ITFG1: variants seen among roughly 807,000 people sequenced by gnomAD.
The protein encoded by ITFG1 is integrin alpha FG-GAP repeat containing 1.
Under a neutral mutation model 81.8 loss-of-function variants are expected in ITFG1, and 34 were observed. The ratio of observed to expected loss-of-function variants is 0.42; its 90% CI spans 0.32 to 0.55. The LOEUF (loss-of-function observed/expected upper bound fraction) is 0.55. Ranked by LOEUF, ITFG1 falls within the 20% of genes least tolerant of loss-of-function variation. The pLI is 0.17. For missense variants in ITFG1, 672 were observed against 755.4 expected (o/e 0.89, Z 1.29); for synonymous variants, 285 against 270.6 (o/e 1.05, Z -0.52).
intron 10 of ITFG1, among the ~76,000 whole-genome samples, chr16:47,275,182 T>G (rs897270614): frequency 3.3e-5 from 5 of 152,160 alleles, no homozygotes; most frequent in Non-Finnish European, 5.9e-5. Flanking sequence ...TGTATGAATC[T>G]GTTATTCTAC....
chr16:47,225,562 A>T (rs1965747102), intron 13 of ITFG1, among the ~76,000 whole-genome samples: 1 of 152,248 alleles, frequency 6.6e-6, no homozygotes, highest in Non-Finnish European at 1.5e-5. Flanking sequence ...CAAGCAATTC[A>T]TCACGGACAA....
Position 47,354,975 on chromosome 16 carries a change from G to T in ITFG1, c.802+10813C>A, listed in dbSNP as rs559280818. On this transcript the variant is annotated intron_variant, in intron 8 of 17. Transcript: ENST00000320640. ...ATTAGTACAGCCATTATGTAAAACA[G>T]TATGGAGTTTCCTAAAAAAATATTA... 3.9e-5 allele frequency among the ~76,000 whole-genome samples: 6 copies of T among 152,252 alleles called. No homozygotes were observed. In the South Asian group the frequency reaches 1.0e-3, roughly 26 times the overall value.
intron 14 of ITFG1, among the ~76,000 whole-genome samples, chr16:47,186,983 C>T (rs1445378918): frequency 0.014 from 2,103 of 151,884 alleles, 53 homozygotes; most frequent in African/African-American, 0.048. Flanking sequence ...AAACAGAGAG[C>T]CAAATCATGA....
intron 10 of ITFG1, among the ~76,000 whole-genome samples, chr16:47,273,781 AGTTT>A (rs921516327): frequency 3.3e-5 from 5 of 150,978 alleles, no homozygotes; most frequent in Admixed American, 2.0e-4. Flanking sequence ...AGAATCTATT[AGTTT>A]GTTTGTTTAT....
intron 8 of ITFG1, among the ~76,000 whole-genome samples, chr16:47,324,411 G>A (rs971255636): frequency 3.9e-5 from 6 of 152,076 alleles, no homozygotes; most frequent in Non-Finnish European, 8.8e-5. Flanking sequence ...ATCAAGGCTA[G>A]GAAGAAACTG....
chr16:47,280,438 C>T (rs542772751), intron 10 of ITFG1, among the ~76,000 whole-genome samples: 1 of 152,128 alleles, frequency 6.6e-6, no homozygotes, highest in Non-Finnish European at 1.5e-5. Context: ...CTGTACATCC[C>T]TGGAATAAAG....
intron 8 of ITFG1, among the ~76,000 whole-genome samples, chr16:47,320,902 C>T (rs1253319893): frequency 7.9e-5 from 12 of 152,192 alleles, no homozygotes; most frequent in Admixed American, 7.9e-4. Context: ...TACTAAAACA[C>T]TTGGTCATGA....
chr16:47,344,384 G>C (rs902070579), intron 8 of ITFG1, among the ~76,000 whole-genome samples: 1 of 152,196 alleles, frequency 6.6e-6, no homozygotes, highest in Non-Finnish European at 1.5e-5. Flanking sequence ...TGGGTTAATG[G>C]AAGTATTCCA....
chr16:47,325,383 A>C (rs970519934), intron 8 of ITFG1, among the ~76,000 whole-genome samples: 2 of 152,232 alleles, frequency 1.3e-5, no homozygotes, highest in African/African-American at 2.4e-5. Flanking sequence ...GAAAGATCTA[A>C]AATTGACACC....
intron 14 of ITFG1, among the ~76,000 whole-genome samples, chr16:47,201,860 G>A (rs1965428821): frequency 6.6e-6 from 1 of 152,162 alleles, no homozygotes; most frequent in African/African-American, 2.4e-5. Flanking sequence ...TCATCAAGGG[G>A]TCTGGCACAA....
At chr16:47,234,188 A>G (rs961666910) in intron 13 of ITFG1, among the ~76,000 whole-genome samples, 5 of 152,246 alleles carry the variant, frequency 3.3e-5, no homozygotes, top group African/African-American at 2.4e-5. Flanking sequence ...TATAGCAGGC[A>G]TTTTGGAATG....
chr16:47,451,939 C>T (rs1215940690), intron 4 of ITFG1, among the ~76,000 whole-genome samples: 1 of 152,288 alleles, frequency 6.6e-6, no homozygotes, highest in South Asian at 2.1e-4. Context: ...CTTCAGAATC[C>T]TAAGCCAACT....
At chr16:47,174,971 A>ACT (rs1449722254) in intron 14 of ITFG1, among the ~76,000 whole-genome samples, 2 of 152,220 alleles carry the variant, frequency 1.3e-5, no homozygotes, top group African/African-American at 4.8e-5. Context: ...ATTTTGTGTA[A>ACT]CTCGAAGAGA....
intron 13 of ITFG1, among the ~76,000 whole-genome samples, chr16:47,225,017 A>C (rs1350116634): frequency 2.0e-5 from 3 of 152,176 alleles, no homozygotes; most frequent in Non-Finnish European, 4.4e-5. Context: ...AGATTCTTCA[A>C]AGAATTAAAG....
chr16:47,364,221 T>G (rs1206184277), intron 8 of ITFG1, among the ~76,000 whole-genome samples: 1 of 152,220 alleles, frequency 6.6e-6, no homozygotes, highest in Non-Finnish European at 1.5e-5. Flanking sequence ...AGTTTACTGA[T>G]GAACTACCCA....
chr16:47,263,522 T>C (rs1567439616), intron 10 of ITFG1: 24 of 294,574 alleles, frequency 8.1e-5, no homozygotes, highest in Non-Finnish European at 1.1e-4. Flanking sequence ...GATGTAGCTG[T>C]TTGCATTTCT....
intron 17 of ITFG1, among the ~76,000 whole-genome samples, chr16:47,157,820 C>A (rs564555672): frequency 6.6e-6 from 1 of 152,182 alleles, no homozygotes; most frequent in Non-Finnish European, 1.5e-5. Flanking sequence ...GCATGTCAAT[C>A]CAGAGTGTAG....
At chr16:47,377,927 C>T (rs1233842717) in intron 6 of ITFG1, among the ~76,000 whole-genome samples, 2 of 152,082 alleles carry the variant, frequency 1.3e-5, no homozygotes, top group Non-Finnish European at 2.9e-5. Context: ...TTTGCTTGGA[C>T]GTCTAAAAAT....
chr16:47,315,303 T>C (rs977703132), intron 8 of ITFG1, among the ~76,000 whole-genome samples: 13 of 151,080 alleles, frequency 8.6e-5, no homozygotes, highest in South Asian at 6.3e-4. Flanking sequence ...GAGATAAACA[T>C]ATATCACAGC....
Sources: allele counts gnomAD v4.1 joint callset (sites outside exome capture counted in the v4.1 genomes callset), GRCh38; gene constraint gnomAD v4.1.1; transcripts MANE v1.5; gene names NCBI Gene and HGNC (gene_info 2026-07-23, HGNC 2026-07-21).